The following NTNG1 variants were observed in gnomAD, a reference collection of about 807,000 sequenced individuals.
NTNG1 encodes netrin-G1.
Under a neutral mutation model 54.0 loss-of-function variants are expected in NTNG1, and 16 were observed. The ratio of observed to expected loss-of-function variants is 0.30; its 90% CI spans 0.20 to 0.45. The LOEUF is 0.45. NTNG1 is among the 20% of genes least tolerant of loss of function. The pLI is 1.00. For synonymous variants in NTNG1, 255 were observed against 263.1 expected (o/e 0.97, Z 0.30); for missense variants, 530 against 678.7 (o/e 0.78, Z 2.43).
Position 107,395,305 on chromosome 1 carries a change from C to T in NTNG1, c.1039C>T (p.Pro347Ser). The T allele has an allele frequency of 6.2e-7, 1 of 1,613,436 alleles. No homozygotes were observed. The change falls in exon 4 of 8, where the codon CCC (proline) becomes TCC (serine). Residue 347 changes from proline to serine, a missense_variant. This residue lies in a region of NTNG1 where 318 missense variants were observed against 465.1 expected (regional missense o/e 0.68). Coordinates refer to ENST00000370068, the MANE Select transcript of NTNG1 (RefSeq NM_001113226.3). Reference protein sequence around the residue: ...PWSPGSYLPIPKGTANTCIPS... With the variant: ...PWSPGSYLPISKGTANTCIPS... ...GAGTCCAGGCTCCTATCTCCCCATCCCCAAAGGCACTGCAAATACCTGTGA... is the reference window on the plus strand; with the variant it reads ...GAGTCCAGGCTCCTATCTCCCCATCTCCAAAGGCACTGCAAATACCTGTGA...
chr1:107,184,137 T>A (rs1056275384), intron 2 of NTNG1, among the ~76,000 whole-genome samples: 1 of 152,136 alleles, frequency 6.6e-6, no homozygotes, highest in African/African-American at 2.4e-5. Context: ...GACTTTGAAG[T>A]CTAGGATGTT....
Position 107,480,725 on chromosome 1 carries a change from G to A in NTNG1, c.1505G>A (p.Cys502Tyr), listed in dbSNP as rs1678644389. The change falls in exon 8 of 8, where the codon TGC becomes TAC. Residue 502 changes from cysteine (C) to tyrosine (Y), a missense_variant. By Grantham distance (194) the Cys-to-Tyr change is radical. Around this residue, in one of 2 missense-constraint regions of NTNG1, gnomAD observed 212 missense variants for 213.6 expected, o/e 0.99. Transcript: ENST00000370068. ...YTGILCEKLR[C>Y]EEAGSCGSDS... ...GGCATCCTCTGCGAGAAGCTGCGGT[G>A]CGAGGAGGCTGGCAGCTGCGGCTCC... is the stretch of plus-strand genomic sequence containing the variant. 6.2e-7 allele frequency: 1 copy of A among 1,610,736 alleles called. No individual in the cohort carries two copies. Among genetic ancestry groups the A allele is most frequent in the Non-Finnish European group, 8.5e-7 (1 of 1,179,474 alleles).
At chr1:107,333,065 A>T (rs1004827749) in intron 3 of NTNG1, among the ~76,000 whole-genome samples, 1 of 152,066 alleles carries the variant, frequency 6.6e-6, no homozygotes, top group Non-Finnish European at 1.5e-5. Context: ...GGTCCAGAAG[A>T]TTATAAAAGT....
At chr1:107,318,241 C>T (rs992908662) in intron 2 of NTNG1, among the ~76,000 whole-genome samples, 1 of 152,126 alleles carries the variant, frequency 6.6e-6, no homozygotes, top group Non-Finnish European at 1.5e-5. Context: ...CATGACCCAT[C>T]TTTTTGTCCA....
chr1:107,407,586 CAA>C, intron 4 of NTNG1, 94 bp from the exon 5 acceptor site: 2 of 949,102 alleles, frequency 2.1e-6, no homozygotes, highest in Non-Finnish European at 3.2e-6. Flanking sequence ...TGAATATTAT[CAA>C]GTGTCAAGTT....
rs577656071 is a variant in NTNG1, at chr1:107,477,935, C to T, written c.1391-2676C>T. ...AGATCATTTCTTATAGATATTTTAT[C>T]ATCCCAGCCAGATTTAAACTTCATA... On this transcript the variant is annotated intron_variant, in intron 7 of 7. Coordinates refer to ENST00000370068, the MANE Select transcript of NTNG1 (RefSeq NM_001113226.3). 4.6e-5 allele frequency among the ~76,000 whole-genome samples: 7 copies of T among 152,258 alleles called. No individual in the cohort carries two copies. The East Asian group carries it at 1.4e-3, about 29-fold the overall frequency.
At position 107,484,874 on chromosome 1, in the gene NTNG1, A is replaced by G. The variant is rs182635497; in HGVS notation, c.*4034A>G. ...TGTTGTACTTTACCGGTTGTTAAAC[A>G]CTAAATAAAATACCTGTTTAACAGA... On this transcript the variant is annotated 3_prime_UTR_variant, in exon 8 of 8. Coordinates refer to ENST00000370068, the MANE Select transcript of NTNG1 (RefSeq NM_001113226.3). Among the ~76,000 whole-genome samples, 1 of 152,372 alleles carries G rather than the reference A, an allele frequency of 6.6e-6. No individual in the cohort carries two copies. The highest frequency in any genetic ancestry group is 2.4e-5 in the African/African-American group (1 of 41,592).
At chr1:107,194,254 T>C (rs1570812986) in intron 2 of NTNG1, among the ~76,000 whole-genome samples, 1 of 152,008 alleles carries the variant, frequency 6.6e-6, no homozygotes, top group East Asian at 1.9e-4. Flanking sequence ...CCAAATGTTT[T>C]TGGATGGTTA....
Position 107,430,792 on chromosome 1 carries a change from A to G in NTNG1, c.1130A>G (p.Asp377Gly), listed in dbSNP as rs201071360. The change falls in exon 6 of 8, where the codon GAT (aspartate) becomes GGT (glycine). Residue 377 changes from aspartate to glycine, a missense_variant. This residue lies in a region of NTNG1 where 212 missense variants were observed against 213.6 expected (regional missense o/e 0.99). Transcript: ENST00000370068. ...CACTCCAATCGATGCAGTTATATCGATCTGCTAAATACAGTCATTTGCGTG... is the reference window on the plus strand; with the variant it reads ...CACTCCAATCGATGCAGTTATATCGGTCTGCTAAATACAGTCATTTGCGTG... ...FGHSNRCSYI[D>G]LLNTVICVSC... 198 of 1,613,098 alleles carry G rather than the reference A, an allele frequency of 1.2e-4. No homozygotes were observed. The highest frequency in any genetic ancestry group is 2.5e-5 in the Non-Finnish European group (29 of 1,179,628).
At chr1:107,479,233 A>G (rs951722637) in intron 7 of NTNG1, among the ~76,000 whole-genome samples, 15 of 152,210 alleles carry the variant, frequency 9.9e-5, no homozygotes, top group African/African-American at 2.9e-4. Flanking sequence ...GGTATCCACC[A>G]CCATCTTTCC....
chr1:107,242,181 G>C (rs1410752313), intron 2 of NTNG1, among the ~76,000 whole-genome samples: 2 of 151,936 alleles, frequency 1.3e-5, no homozygotes, highest in African/African-American at 4.8e-5. Context: ...GAGGGGGGGT[G>C]AGGGGATGGG....
At chr1:107,463,874 A>G (rs1677435883) in intron 7 of NTNG1, among the ~76,000 whole-genome samples, 1 of 152,188 alleles carries the variant, frequency 6.6e-6, no homozygotes, top group African/African-American at 2.4e-5. Context: ...GAAAAATGCA[A>G]TGTATTCACT....
intron 3 of NTNG1, among the ~76,000 whole-genome samples, chr1:107,377,006 C>G (rs1282215327): frequency 6.6e-6 from 1 of 152,182 alleles, no homozygotes; most frequent in African/African-American, 2.4e-5. Flanking sequence ...TGCAGGTCTG[C>G]AAAGGGGGAG....
At chr1:107,388,587 G>A (rs1570837908) in intron 3 of NTNG1, among the ~76,000 whole-genome samples, 1 of 152,226 alleles carries the variant, frequency 6.6e-6, no homozygotes, top group Non-Finnish European at 1.5e-5. Flanking sequence ...AAAAAGCAAT[G>A]AGCACAATGC....
chr1:107,212,065 T>C (rs1659631603), intron 2 of NTNG1, among the ~76,000 whole-genome samples: 1 of 152,126 alleles, frequency 6.6e-6, no homozygotes, highest in South Asian at 2.1e-4. Flanking sequence ...CATAAATCTC[T>C]AAGGAGAAAA....
chr1:107,259,994 GATAGTAAAA>G (rs1663200548), intron 2 of NTNG1, among the ~76,000 whole-genome samples: 1 of 152,080 alleles, frequency 6.6e-6, no homozygotes, highest in South Asian at 2.1e-4. Flanking sequence ...ATAGAGCCGA[GATAGTAAAA>G]ATGGTTCATT....
intron 3 of NTNG1, among the ~76,000 whole-genome samples, chr1:107,383,488 A>G (rs1671769624): frequency 6.6e-6 from 1 of 152,270 alleles, no homozygotes; most frequent in Non-Finnish European, 1.5e-5. Flanking sequence ...AGAGAAAAAA[A>G]GAAAGAGATC....
intron 7 of NTNG1, among the ~76,000 whole-genome samples, 159 bp from the exon 8 acceptor site, chr1:107,480,452 T>C (rs1032286077): frequency 1.2e-4 from 19 of 152,014 alleles, no homozygotes; most frequent in Admixed American, 1.2e-3. Context: ...TGTTTGGAAA[T>C]TGGAGTCACG....
At chr1:107,181,890 G>A (rs899233396) in intron 2 of NTNG1, among the ~76,000 whole-genome samples, 1 of 152,140 alleles carries the variant, frequency 6.6e-6, no homozygotes, top group South Asian at 2.1e-4. Context: ...TTAGATAAGA[G>A]CACTGATTTG....
Sources: allele counts gnomAD v4.1 joint callset (sites outside exome capture counted in the v4.1 genomes callset), GRCh38; gene constraint gnomAD v4.1.1; regional missense constraint gnomAD v4.1.1; transcripts MANE v1.5; gene names NCBI Gene and HGNC (gene_info 2026-07-23, HGNC 2026-07-21).